HIPK2: variants seen among roughly 807,000 people sequenced by gnomAD.
HIPK2 encodes homeodomain-interacting protein kinase 2.
In HIPK2, 27 loss-of-function variants were observed where a neutral mutation model predicts 113.7. The observed-to-expected ratio is 0.24, with a 90% confidence interval of 0.17 to 0.33. The LOEUF is 0.33. HIPK2 is among the 10% of genes least tolerant of loss of function. The pLI is 1.00. For missense variants in HIPK2, 1,257 were observed against 1,588.0 expected, an observed-to-expected ratio of 0.79 and a Z score of 3.54; for synonymous variants, 631 against 642.2, an observed-to-expected ratio of 0.98 and a Z score of 0.26.
chr7:139,757,993 T>C (rs1450769513), intron 1 of HIPK2, among the ~76,000 whole-genome samples: 1 of 152,194 alleles, frequency 6.6e-6, no homozygotes, highest in African/African-American at 2.4e-5. Flanking sequence ...TATACATTAC[T>C]AAAGTACACA....
At chr7:139,588,179 G>A (rs377321949) in intron 12 of HIPK2, among the ~76,000 whole-genome samples, 12 of 151,524 alleles carry the variant, frequency 7.9e-5, no homozygotes, top group Non-Finnish European at 1.3e-4. Flanking sequence ...TTAGCCAGGC[G>A]TGGTGGTGTG....
At chr7:139,703,955 A>AC (rs1297694905) in intron 2 of HIPK2, among the ~76,000 whole-genome samples, 105,431 of 107,628 alleles carry the variant, frequency 0.98, 51,834 homozygotes, top group East Asian at 0.99. Context: ...CAACATACAC[A>AC]CCCCCAACAC....
chr7:139,770,051 T>A (rs1439864508), intron 1 of HIPK2, among the ~76,000 whole-genome samples: 1 of 152,176 alleles, frequency 6.6e-6, no homozygotes, highest in East Asian at 1.9e-4. Context: ...ACACTTACTA[T>A]CCTCCAGAAG....
intron 11 of HIPK2, among the ~76,000 whole-genome samples, chr7:139,597,552 T>G (rs370618116): frequency 1.3e-5 from 2 of 152,332 alleles, no homozygotes; most frequent in East Asian, 3.9e-4. Flanking sequence ...GTGGTTCAGT[T>G]TTCCTTCTTT....
Position 139,572,536 on chromosome 7 carries a change from A to C in HIPK2, c.*391T>G. 5.9e-6 allele frequency: 1 copy of C among 170,158 alleles called. No homozygotes were observed. The highest frequency in any genetic ancestry group is 2.5e-3 in the Middle Eastern group (1 of 404). 10.5% of individuals were successfully genotyped at this position (170,158 alleles called of 1,614,324 possible). Reference sequence around the variant, plus strand: ...AAAACTGGGGCCCCCCGTTTCTGGAATCTTCCTGTTGCTCTCTTCTCCTTT... The same window carrying C: ...AAAACTGGGGCCCCCCGTTTCTGGACTCTTCCTGTTGCTCTCTTCTCCTTT... On this transcript the variant is annotated 3_prime_UTR_variant, in exon 15 of 15. Transcript: ENST00000406875.
In HIPK2 at chr7:139,566,125, G is replaced by A. The variant is rs1469265080; in HGVS notation, c.*6802C>T. 6.6e-6 allele frequency: 1 copy of A among 152,184 alleles called. No individual in the cohort carries two copies. The highest frequency in any genetic ancestry group is 2.4e-5 in the African/African-American group (1 of 41,426). The allele number at this position is 152,184 out of a possible 1,614,324, so 9.4% of individuals were successfully genotyped here. On this transcript the variant is annotated 3_prime_UTR_variant, in exon 15 of 15. Transcript: ENST00000406875. This position sits in a 1 kb window ranked among gnomAD's most constrained non-coding sequence, Gnocchi z 4.1. Reference sequence around the variant, plus strand: ...AAATCAAACGAATTCTGCCCCTTTTGCCTAAATCCAACTCAGGAGCCCCCT... The same window carrying A: ...AAATCAAACGAATTCTGCCCCTTTTACCTAAATCCAACTCAGGAGCCCCCT...
At chr7:139,749,606 G>A (rs1036488482) in intron 1 of HIPK2, among the ~76,000 whole-genome samples, 16 of 152,170 alleles carry the variant, frequency 1.1e-4, no homozygotes, top group Non-Finnish European at 1.6e-4. Flanking sequence ...ACGTGTTCAC[G>A]GCAGCTCCCA....
chr7:139,746,601 C>T (rs749528444), intron 1 of HIPK2, among the ~76,000 whole-genome samples: 6 of 152,182 alleles, frequency 3.9e-5, no homozygotes, highest in Non-Finnish European at 5.9e-5. Flanking sequence ...CCTGAGTCCC[C>T]AAGCATGATG....
chr7:139,573,426 T>G, intron 14 of HIPK2, 29 bp from the exon 15 acceptor site: 1 of 1,592,044 alleles, frequency 6.3e-7, no homozygotes, highest in Admixed American at 1.7e-5. Flanking sequence ...AAGAGAGACG[T>G]CAGGGGCCGA....
intron 2 of HIPK2, among the ~76,000 whole-genome samples, chr7:139,676,237 C>A (rs191113943): frequency 1.9e-3 from 282 of 152,356 alleles, no homozygotes; most frequent in South Asian, 6.2e-4. Context: ...CCAGAGACCA[C>A]AGGTACATGA....
intron 5 of HIPK2, among the ~76,000 whole-genome samples, chr7:139,627,160 A>C (rs1448060338): frequency 5.9e-5 from 9 of 152,254 alleles, no homozygotes; most frequent in Admixed American, 3.9e-4. Flanking sequence ...GACTGGTTGC[A>C]TAACAATGGG....
chr7:139,669,665 A>G (rs1381455090), intron 2 of HIPK2, among the ~76,000 whole-genome samples: 2 of 148,782 alleles, frequency 1.3e-5, no homozygotes, highest in Non-Finnish European at 1.5e-5. Flanking sequence ...GGTGGGGGGG[A>G]CACATTAAGT....
chr7:139,761,239 A>G (rs1396772456), intron 1 of HIPK2, among the ~76,000 whole-genome samples: 1 of 152,224 alleles, frequency 6.6e-6, no homozygotes, highest in Non-Finnish European at 1.5e-5. Context: ...TTACAGAAAC[A>G]TTTCCCAAAA....
intron 2 of HIPK2, among the ~76,000 whole-genome samples, chr7:139,710,638 G>A (rs1795034052): frequency 6.6e-6 from 1 of 152,164 alleles, no homozygotes; most frequent in African/African-American, 2.4e-5. Flanking sequence ...TCTACTACGG[G>A]ACACTCAGTA....
At chr7:139,724,085 T>C (rs1795498218) in intron 1 of HIPK2, among the ~76,000 whole-genome samples, 1 of 151,884 alleles carries the variant, frequency 6.6e-6, no homozygotes, top group Admixed American at 6.6e-5. Flanking sequence ...CTGTCTAATA[T>C]AGATTATGCA....
rs376453661 is a variant in HIPK2, at chr7:139,630,047, AC to A, written c.1348-1009del. ...TTTGGCTGCAGATTCCATTAAAAAAACAAATCCAAAACAACAACAAAACAAA... is the reference window on the plus strand; with the variant it reads ...TTTGGCTGCAGATTCCATTAAAAAAAAAATCCAAAACAACAACAAAACAAA... On this transcript the variant is annotated intron_variant, in intron 4 of 14. Coordinates refer to ENST00000406875, the MANE Select transcript of HIPK2 (RefSeq NM_022740.5). The surrounding 1 kb of genome is among the most constrained non-coding windows in gnomAD (Gnocchi z 4.0). Among the ~76,000 whole-genome samples the A allele has an allele frequency of 2.8e-3, 422 of 152,290 alleles. 1 individual carries two copies. Among genetic ancestry groups the A allele is most frequent in the African/African-American group, 9.6e-3 (400 of 41,548 alleles).
chr7:139,727,459 T>C (rs1795614781), intron 1 of HIPK2, among the ~76,000 whole-genome samples: 1 of 152,244 alleles, frequency 6.6e-6, no homozygotes, highest in Admixed American at 6.5e-5. Flanking sequence ...AAATCTTTTA[T>C]GTCATCTGCC....
intron 2 of HIPK2, among the ~76,000 whole-genome samples, chr7:139,706,721 G>A (rs1009638209): frequency 2.6e-5 from 4 of 152,166 alleles, no homozygotes; most frequent in Admixed American, 6.5e-5. Context: ...CCTCGCAAAC[G>A]TTTAGAGCTC....
chr7:139,688,006 C>A (rs375935672), intron 2 of HIPK2, among the ~76,000 whole-genome samples: 2 of 152,334 alleles, frequency 1.3e-5, no homozygotes, highest in Non-Finnish European at 2.9e-5. Context: ...CAGGGATAAG[C>A]TCACCCTTGT....
Sources: allele counts gnomAD v4.1 joint callset (sites outside exome capture counted in the v4.1 genomes callset), GRCh38; gene constraint gnomAD v4.1.1; non-coding constraint Gnocchi (gnomAD v3.1); transcripts MANE v1.5; gene names NCBI Gene and HGNC (gene_info 2026-07-23, HGNC 2026-07-21).